PDE1A: variants seen among roughly 807,000 people sequenced by gnomAD.
PDE1A encodes the protein dual specificity calcium/calmodulin-dependent 3',5'-cyclic nucleotide phosphodiesterase 1A.
In PDE1A, 35 loss-of-function variants were observed where a neutral mutation model predicts 61.7. The ratio of observed to expected loss-of-function variants is 0.57; its 90% CI spans 0.43 to 0.75. The LOEUF is 0.75. Ranked by LOEUF, PDE1A falls within the 30% of genes least tolerant of loss-of-function variation. The pLI, the probability that PDE1A is intolerant of heterozygous loss-of-function variation, is 0.00. For missense variants in PDE1A, 597 were observed against 630.6 expected, an observed-to-expected ratio of 0.95 and a Z score of 0.57; for synonymous variants, 232 against 213.2, an observed-to-expected ratio of 1.09 and a Z score of -0.77.
At chr2:182,692,645 A>G in the PDE1A span, among the ~76,000 whole-genome samples, 2 of 150,100 alleles carry the variant, frequency 1.3e-5, no homozygotes, top group African/African-American at 4.9e-5. Flanking sequence ...TTGTGCACAT[A>G]TACCCTAGAA....
At chr2:182,431,586 C>G (rs1427796679), upstream of PDE1A, among the ~76,000 whole-genome samples, 1 of 152,100 alleles carries the variant, frequency 6.6e-6, no homozygotes, top group East Asian at 1.9e-4. Flanking sequence ...TCTGATTTAT[C>G]CTTCCAAGGT....
chr2:182,517,989 T>C (rs1690317036), intron 2 of PDE1A, among the ~76,000 whole-genome samples: 1 of 152,102 alleles, frequency 6.6e-6, no homozygotes, highest in South Asian at 2.1e-4. Context: ...GTAAGCAATG[T>C]TTCTTTTGGG....
At chr2:182,243,398 G>A (rs1261857541) in intron 2 of PDE1A, among the ~76,000 whole-genome samples, 1 of 152,198 alleles carries the variant, frequency 6.6e-6, no homozygotes, top group Admixed American at 6.5e-5. Flanking sequence ...TCTGGGGGAA[G>A]TCTGTTCTAT....
chr2:182,516,791 GAA>G (rs1690209775), intron 2 of PDE1A, among the ~76,000 whole-genome samples: 1 of 121,034 alleles, frequency 8.3e-6, no homozygotes, highest in Admixed American at 1.1e-4. Context: ...GAAAAAGAAA[GAA>G]AGAGAGAAAG....
chr2:182,443,488 C>A (rs775411502), intron 2 of PDE1A, among the ~76,000 whole-genome samples: 1 of 151,716 alleles, frequency 6.6e-6, no homozygotes, highest in African/African-American at 2.4e-5. Context: ...TTGCTGGTCT[C>A]GAGATAGTGA....
intron 7 of PDE1A, among the ~76,000 whole-genome samples, chr2:182,209,355 T>C (rs2125519668): frequency 6.6e-6 from 1 of 152,062 alleles, no homozygotes; most frequent in South Asian, 2.1e-4. Context: ...ACCCCCATGA[T>C]TCAATTATCT....
intron 13 of PDE1A, among the ~76,000 whole-genome samples, chr2:182,158,696 T>C (rs930051262): frequency 7.2e-5 from 11 of 152,210 alleles, no homozygotes; most frequent in South Asian, 6.2e-4. Flanking sequence ...CACTACCCAG[T>C]TGTCTTGCTA....
At chr2:182,657,511 T>C in the PDE1A span, among the ~76,000 whole-genome samples, 3,134 of 152,306 alleles carry the variant, frequency 0.021, 48 homozygotes, top group South Asian at 0.049. Context: ...TATTTTATAT[T>C]GCTACTCTAC....
At chr2:182,383,387 A>G (rs576458301) in intron 1 of PDE1A, among the ~76,000 whole-genome samples, 1 of 152,242 alleles carries the variant, frequency 6.6e-6, no homozygotes, top group African/African-American at 2.4e-5. Flanking sequence ...TTGTCTCTCT[A>G]TGTAGATTGT....
At chr2:182,658,344 C>A in the PDE1A span, among the ~76,000 whole-genome samples, 1 of 152,190 alleles carries the variant, frequency 6.6e-6, no homozygotes, top group Non-Finnish European at 1.5e-5. Context: ...TCTGTCCCAG[C>A]CATCATATGG....
At chr2:182,557,358 C>A in the PDE1A span, among the ~76,000 whole-genome samples, 3 of 152,164 alleles carry the variant, frequency 2.0e-5, no homozygotes, top group Non-Finnish European at 4.4e-5. Context: ...AACATAATTT[C>A]TCTGCACTGT....
At chr2:182,145,392 TC>T (rs1372558752), downstream of PDE1A, among the ~76,000 whole-genome samples, 2 of 151,990 alleles carry the variant, frequency 1.3e-5, no homozygotes, top group African/African-American at 2.4e-5. Context: ...AATCGTCTGC[TC>T]GGGCTTAAAT....
chr2:182,578,286 T>C, the PDE1A span, among the ~76,000 whole-genome samples: 90 of 152,170 alleles, frequency 5.9e-4, no homozygotes, highest in Non-Finnish European at 1.0e-3. Flanking sequence ...TCTGAGTTTC[T>C]TACAAAGCAA....
chr2:182,637,017 C>A, the PDE1A span, among the ~76,000 whole-genome samples: 1 of 152,214 alleles, frequency 6.6e-6, no homozygotes, highest in Non-Finnish European at 1.5e-5. Flanking sequence ...ATCTCTCTAA[C>A]TCCGCCTGAA....
At chr2:182,209,754 G>A (rs559759238) in intron 7 of PDE1A, among the ~76,000 whole-genome samples, 5 of 151,878 alleles carry the variant, frequency 3.3e-5, no homozygotes, top group South Asian at 2.1e-4. Flanking sequence ...CTTCCCCTTC[G>A]CCCTTCTGCC....
chr2:182,569,262 T>TATATATATATATATATATAC, the PDE1A span, among the ~76,000 whole-genome samples: 14 of 147,940 alleles, frequency 9.5e-5, no homozygotes, highest in South Asian at 1.0e-3. Flanking sequence ...CAAATATATA[T>TATATATATATATATATATAC]ATATATATAT....
the PDE1A span, among the ~76,000 whole-genome samples, chr2:182,677,958 A>G: frequency 3.2e-4 from 48 of 152,334 alleles, no homozygotes; most frequent in African/African-American, 1.2e-3. Context: ...AATACTCAAT[A>G]AAATAGGAAT....
the PDE1A span, among the ~76,000 whole-genome samples, chr2:182,566,635 G>A: frequency 6.6e-6 from 1 of 152,014 alleles, no homozygotes; most frequent in Non-Finnish European, 1.5e-5. Flanking sequence ...TTCAGTGTTA[G>A]TTATTTATCT....
rs1044376810 is a variant in PDE1A, at chr2:182,226,445, G to A, written c.676-2481C>T. Among the ~76,000 whole-genome samples, 2 of 149,650 alleles carry A rather than the reference G, an allele frequency of 1.3e-5. 1 individual carries two copies. Among genetic ancestry groups the A allele is most frequent in the African/African-American group, 5.1e-5 (2 of 39,268 alleles). ...TTAAGTTCCACTACAAACTAATATA[G>A]GAAGAGAGGAAACACTGAACTTTCA... is the stretch of plus-strand genomic sequence containing the variant. On this transcript the variant is annotated intron_variant, in intron 6 of 13. Transcript: ENST00000351439.
Sources: allele counts gnomAD v4.1 joint callset (sites outside exome capture counted in the v4.1 genomes callset), GRCh38; gene constraint gnomAD v4.1.1; transcripts MANE v1.5; gene names NCBI Gene and HGNC (gene_info 2026-07-23, HGNC 2026-07-21).